WDR19: variants seen among roughly 807,000 people sequenced by gnomAD.
WDR19 encodes the protein WD repeat-containing protein 19.
WDR19 carries 121 observed loss-of-function variants against 180.0 expected under a neutral mutation model. That is an observed-to-expected ratio of 0.67 (90% CI 0.58 to 0.78). The LOEUF is 0.78. Ranked by LOEUF, WDR19 falls within the 30% of genes least tolerant of loss-of-function variation. WDR19 has a pLI of 0.00. For missense variants in WDR19, 1,450 were observed against 1,640.7 expected, an observed-to-expected ratio of 0.88 and a Z score of 2.01; for synonymous variants, 497 against 540.7, an observed-to-expected ratio of 0.92 and a Z score of 1.12.
At chr4:39,231,343 G>A (rs1730840817) in intron 17 of WDR19, among the ~76,000 whole-genome samples, 2 of 150,638 alleles carry the variant, frequency 1.3e-5, no homozygotes, top group East Asian at 1.9e-4. Flanking sequence ...AAAAAGAGTG[G>A]GCTGATCAGT....
At chr4:39,234,276 C>G (rs1016255077) in intron 19 of WDR19, among the ~76,000 whole-genome samples, 1 of 152,214 alleles carries the variant, frequency 6.6e-6, no homozygotes, top group Admixed American at 6.5e-5. Context: ...AAAAAGACCA[C>G]AGGAACATAT....
intron 19 of WDR19, among the ~76,000 whole-genome samples, chr4:39,234,487 T>C (rs1731178799): frequency 6.6e-6 from 1 of 152,180 alleles, no homozygotes; most frequent in African/African-American, 2.4e-5. Flanking sequence ...TACTAAGGAC[T>C]AAGATTTTGT....
intron 29 of WDR19, among the ~76,000 whole-genome samples, chr4:39,267,628 A>G (rs987526041): frequency 2.0e-5 from 3 of 152,222 alleles, no homozygotes; most frequent in Admixed American, 1.3e-4. Flanking sequence ...TTCCAAGTAC[A>G]TGAGAAATAC....
intron 24 of WDR19, among the ~76,000 whole-genome samples, chr4:39,251,678 C>G (rs968713459): frequency 1.3e-5 from 2 of 151,680 alleles, no homozygotes; most frequent in Admixed American, 6.6e-5. Flanking sequence ...AAAAACAACC[C>G]CATCAAAAAG....
At chr4:39,227,636 C>T (rs773029380) in intron 15 of WDR19, among the ~76,000 whole-genome samples, 2 of 152,006 alleles carry the variant, frequency 1.3e-5, no homozygotes, top group South Asian at 4.1e-4. Context: ...CATATTACAC[C>T]ATTTTATTCA....
At chr4:39,235,153 A>G (rs904346773) in intron 20 of WDR19, among the ~76,000 whole-genome samples, 11 of 151,850 alleles carry the variant, frequency 7.2e-5, no homozygotes, top group African/African-American at 2.7e-4. Context: ...TAGAGACAGG[A>G]TCTCTCTCTG....
chr4:39,249,874 G>A (rs1423799305), intron 24 of WDR19, among the ~76,000 whole-genome samples: 2 of 152,034 alleles, frequency 1.3e-5, no homozygotes, highest in African/African-American at 4.8e-5. Context: ...ACCAAAAAAA[G>A]TCCAGGACCA....
rs1459927780 is a variant in WDR19, at chr4:39,194,535, A to G, written c.291-9A>G. 1.3e-6 allele frequency: 2 copies of G among 1,577,602 alleles called. No individual in the cohort carries two copies. The highest frequency in any genetic ancestry group is 1.1e-5 in the South Asian group (1 of 88,830). ...GAATTGTTTAGTAATTTATATCTTA[A>G]TGTTACAGGGATCAAATGTCTTTCC... On this transcript the variant is annotated splice_polypyrimidine_tract_variant and intron_variant, in intron 4 of 36. Coordinates refer to ENST00000399820, the MANE Select transcript of WDR19 (RefSeq NM_025132.4).
rs1177214309 is a variant in WDR19, at chr4:39,218,046, G to T, written c.1420G>T (p.Asp474Tyr). 11 of 1,613,982 alleles carry T rather than the reference G, an allele frequency of 6.8e-6. No homozygotes were observed. Among genetic ancestry groups the T allele is most frequent in the Non-Finnish European group, 9.3e-6 (11 of 1,179,868 alleles). Residue 474 changes from aspartate (D) to tyrosine (Y), a missense_variant, in exon 14 of 37, where the codon GAT becomes TAT. Asp to Tyr is a radical substitution (Grantham distance 160). Transcript: ENST00000399820. ...GACTCGGCTTTTCCCAGCAGTGGAT[G>T]ATAAGTGCCGTATCTTATGCCATGC... The part of the protein sequence containing the change: ...RETRLFPAVD[D>Y]KCRILCHALT...
At chr4:39,210,948 G>A (rs971399575) in intron 9 of WDR19, among the ~76,000 whole-genome samples, 8 of 152,056 alleles carry the variant, frequency 5.3e-5, no homozygotes, top group Non-Finnish European at 2.9e-5. Flanking sequence ...ACCAGCCTGG[G>A]CAATATGGCG....
At chr4:39,257,012 A>G (rs1432778495) in intron 27 of WDR19, among the ~76,000 whole-genome samples, 3 of 152,226 alleles carry the variant, frequency 2.0e-5, no homozygotes, top group African/African-American at 7.2e-5. Flanking sequence ...TACGGTGTTC[A>G]GGAATTAGAC....
rs1578057744 is a variant in WDR19 at position 39,277,048 on chromosome 4, G to A, written c.3745G>A (p.Ala1249Thr). The A allele has an allele frequency of 3.1e-6, 5 of 1,613,702 alleles. No individual in the cohort carries two copies. Among genetic ancestry groups the A allele is most frequent in the Non-Finnish European group, 3.4e-6 (4 of 1,179,822 alleles). Residue 1249 changes from alanine to threonine, a missense_variant, in exon 34 of 37, where the codon GCC becomes ACC. Coordinates refer to ENST00000399820, the MANE Select transcript of WDR19 (RefSeq NM_025132.4). ...ACCCGATATATCTGAGATAGAAGAG[G>A]CCACGACTCCATGTCCATTCTGCAA... The part of the protein sequence containing the change: ...RRPDISEIEE[A>T]TTPCPFCKFL...
At chr4:39,278,762 A>G in intron 36 of WDR19, 99 bp downstream of exon 36, 1 of 585,444 alleles carries the variant, frequency 1.7e-6, no homozygotes, top group South Asian at 3.4e-5. Flanking sequence ...TCAGTGCACC[A>G]TGGAACTTGC....
chr4:39,242,513 GT>G (rs374477641), intron 21 of WDR19, among the ~76,000 whole-genome samples: 11 of 152,076 alleles, frequency 7.2e-5, no homozygotes, highest in African/African-American at 2.7e-4. Context: ...TAGTTGTGGG[GT>G]TTTTTCTATC....
intron 20 of WDR19, among the ~76,000 whole-genome samples, chr4:39,236,532 T>G (rs1731398821): frequency 6.6e-6 from 1 of 152,172 alleles, no homozygotes. Flanking sequence ...ATTACCTGGG[T>G]ACACTTAAAG....
intron 10 of WDR19, 90 bp from the exon 11 acceptor site, chr4:39,215,751 T>C (rs983507403): frequency 7.7e-7 from 1 of 1,305,030 alleles, no homozygotes; most frequent in South Asian, 1.8e-5. Context: ...AAAATTGTTA[T>C]GTCTCTGGTA....
At chr4:39,233,311 A>G (rs1467165587) in intron 19 of WDR19, among the ~76,000 whole-genome samples, 1 of 152,224 alleles carries the variant, frequency 6.6e-6, no homozygotes, top group Non-Finnish European at 1.5e-5. Flanking sequence ...AATATAGACT[A>G]GCAATGAGGG....
intron 17 of WDR19, 128 bp from the exon 18 acceptor site, chr4:39,231,669 C>A: frequency 4.0e-6 from 3 of 743,996 alleles, no homozygotes; most frequent in Non-Finnish European, 5.9e-6. Flanking sequence ...TTGTAAATGA[C>A]AATTACAGGT....
Position 39,194,631 on chromosome 4 carries a change from T to C in WDR19, c.378T>C (p.His126=). 4 of 1,612,640 alleles carry C rather than the reference T, an allele frequency of 2.5e-6. No individual in the cohort carries two copies. The highest frequency in any genetic ancestry group is 3.4e-6 in the Non-Finnish European group (4 of 1,179,166). Residue 126 remains histidine, a synonymous_variant, in exon 5 of 37, where the codon CAT becomes CAC. Transcript: ENST00000399820. ...TVKGNLLIYN[H]QTSRKIPVLG... ...AAGGAAATTTGCTTATTTATAATCA[T>C]CAGACATCTCGAAAGATTCCTGTCC...
Sources: allele counts gnomAD v4.1 joint callset (sites outside exome capture counted in the v4.1 genomes callset), GRCh38; gene constraint gnomAD v4.1.1; transcripts MANE v1.5; gene names NCBI Gene and HGNC (gene_info 2026-07-23, HGNC 2026-07-21).